STAP1: variants seen among roughly 807,000 people sequenced by gnomAD.
STAP1 encodes signal transducing adaptor family member 1, also known as signal-transducing adaptor protein 1.
STAP1 carries 30 observed loss-of-function variants against 37.8 expected under a neutral mutation model. The observed-to-expected ratio is 0.79, with a 90% CI of 0.59 to 1.08. The LOEUF (loss-of-function observed/expected upper bound fraction) is 1.08, where lower values mean the gene tolerates loss of function less well. Among genes scored for constraint, STAP1 ranks in the 50% least tolerant of loss-of-function variants. The probability of loss-of-function intolerance (pLI) is 0.00; values close to 1 mark genes in which losing one functional copy is unlikely to be tolerated. For missense variants in STAP1, 357 were observed against 349.4 expected, an observed-to-expected ratio of 1.02 and a Z score of -0.17; for synonymous variants, 130 against 116.0, an observed-to-expected ratio of 1.12 and a Z score of -0.78.
chr4:67,573,535 C>T (rs567553180), intron 2 of STAP1, among the ~76,000 whole-genome samples: 1 of 152,308 alleles, frequency 6.6e-6, no homozygotes, highest in South Asian at 2.1e-4. Context: ...TTGATCTAGA[C>T]AATCCCTCAG....
chr4:67,581,511 TA>T, intron 5 of STAP1, 40 bp downstream of exon 5: 1 of 1,563,958 alleles, frequency 6.4e-7, no homozygotes, highest in Non-Finnish European at 8.6e-7. Flanking sequence ...ATTCGATTGT[TA>T]AAACTAATTT....
In STAP1 at chr4:67,583,667, T is replaced by C. The variant is rs1457146805; in HGVS notation, c.624T>C (p.Ser208=). ...GNMILRPGSD[S]RNYSITIRQE... Reference sequence around the variant, plus strand: ...TGATCCTGAGGCCTGGTAGTGACAGTAGAAACTACTCCATCACTATTCGGC... The same window carrying C: ...TGATCCTGAGGCCTGGTAGTGACAGCAGAAACTACTCCATCACTATTCGGC... Residue 208 remains serine, a synonymous_variant, in exon 6 of 9, where the codon AGT becomes AGC. Transcript: ENST00000265404. 2 of 1,613,830 alleles carry C rather than the reference T, an allele frequency of 1.2e-6. No homozygotes were observed. Among genetic ancestry groups the C allele is most frequent in the East Asian group, 4.5e-5 (2 of 44,862 alleles).
In STAP1 at chr4:67,606,779, C is replaced by A. The variant is rs1728458578; in HGVS notation, c.*422C>A. On this transcript the variant is annotated 3_prime_UTR_variant, in exon 9 of 9. Transcript: ENST00000265404. ...GATTTGACCAATTTATCAAATATGT[C>A]ATTTTAATTACCTAGCTGGAAGTTA... 1 of 153,408 alleles carries A rather than the reference C, an allele frequency of 6.5e-6. No individual in the cohort carries two copies. Among genetic ancestry groups the A allele is most frequent in the Non-Finnish European group, 1.5e-5 (1 of 68,962 alleles). The allele number at this position is 153,408 out of a possible 1,614,324, so 9.5% of individuals were successfully genotyped here.
chr4:67,583,834 C>A, intron 6 of STAP1, 132 bp downstream of exon 6: 1 of 1,062,244 alleles, frequency 9.4e-7, no homozygotes, highest in Non-Finnish European at 1.3e-6. Flanking sequence ...TGCGGTGGCT[C>A]ACGCCTGTAA....
At chr4:67,578,904 C>T (rs1219759180) in intron 4 of STAP1, among the ~76,000 whole-genome samples, 1 of 150,900 alleles carries the variant, frequency 6.6e-6, no homozygotes, top group Non-Finnish European at 1.5e-5. Context: ...TCTTGGCTCA[C>T]TGCAACCTCC....
intron 2 of STAP1, 89 bp downstream of exon 2, chr4:67,571,244 A>G (rs1204507896): frequency 3.5e-6 from 3 of 863,698 alleles, no homozygotes; most frequent in Non-Finnish European, 3.6e-6. Context: ...CTGCCATCCA[A>G]GAATAAAGAT....
intron 7 of STAP1, among the ~76,000 whole-genome samples, chr4:67,592,568 C>T (rs529986696): frequency 5.3e-5 from 8 of 152,154 alleles, no homozygotes; most frequent in Admixed American, 2.0e-4. Flanking sequence ...GGGACTAGGA[C>T]GCAGTTACTT....
At chr4:67,601,175 CATCTT>C (rs1289071908) in intron 8 of STAP1, among the ~76,000 whole-genome samples, 1 of 152,116 alleles carries the variant, frequency 6.6e-6, no homozygotes, top group African/African-American at 2.4e-5. Flanking sequence ...TTTCAAATAA[CATCTT>C]ATAACCCATT....
At chr4:67,577,176 T>C (rs1395147434) in intron 3 of STAP1, 27 bp from the exon 4 acceptor site, 8 of 1,586,746 alleles carry the variant, frequency 5.0e-6, no homozygotes, top group Non-Finnish European at 6.9e-6. Flanking sequence ...CTTCTTTGGC[T>C]TTATCTGTTT....
intron 6 of STAP1, among the ~76,000 whole-genome samples, chr4:67,588,468 GGT>G (rs1728045797): frequency 6.6e-6 from 1 of 151,988 alleles, no homozygotes; most frequent in Non-Finnish European, 1.5e-5. Context: ...GGAGTACAGT[GGT>G]GCGAGCTCGG....
intron 2 of STAP1, among the ~76,000 whole-genome samples, 190 bp downstream of exon 2, chr4:67,571,345 C>T (rs1190364454): frequency 3.3e-5 from 5 of 152,158 alleles, no homozygotes; most frequent in Non-Finnish European, 5.9e-5. Context: ...CTGGGCAATT[C>T]CGAAGAAGAT....
chr4:67,568,206 T>C (rs920199611), intron 1 of STAP1, among the ~76,000 whole-genome samples: 1 of 152,122 alleles, frequency 6.6e-6, no homozygotes, highest in Admixed American at 6.5e-5. Flanking sequence ...TTAAAAAACA[T>C]AAAGGATATG....
chr4:67,561,410 T>G (rs1727334568), intron 1 of STAP1, among the ~76,000 whole-genome samples: 1 of 152,022 alleles, frequency 6.6e-6, no homozygotes, highest in African/African-American at 2.4e-5. Context: ...CTAGAAAAAA[T>G]ATAACTGAAG....
chr4:67,564,188 G>A (rs1027311992), intron 1 of STAP1, among the ~76,000 whole-genome samples: 1 of 152,098 alleles, frequency 6.6e-6, no homozygotes, highest in Non-Finnish European at 1.5e-5. Flanking sequence ...TGCAGCTGTG[G>A]TTGCAGTTCA....
chr4:67,564,458 A>T (rs929591364), intron 1 of STAP1, among the ~76,000 whole-genome samples: 1 of 152,210 alleles, frequency 6.6e-6, no homozygotes, highest in South Asian at 2.1e-4. Context: ...GAGGGAATTC[A>T]ATAAACCTTT....
chr4:67,590,045 C>A (rs967229114), intron 6 of STAP1, among the ~76,000 whole-genome samples: 1 of 152,134 alleles, frequency 6.6e-6, no homozygotes, highest in African/African-American at 2.4e-5. Context: ...CTCAAGTCAT[C>A]CTCATGCCTT....
intron 6 of STAP1, 32 bp from the exon 7 acceptor site, chr4:67,590,852 A>G: frequency 6.5e-7 from 1 of 1,532,884 alleles, no homozygotes; most frequent in Non-Finnish European, 9.0e-7. Flanking sequence ...ATTGTATAAT[A>G]AAATGGAGAC....
At chr4:67,567,651 A>T (rs1727501769) in intron 1 of STAP1, among the ~76,000 whole-genome samples, 1 of 152,244 alleles carries the variant, frequency 6.6e-6, no homozygotes, top group African/African-American at 2.4e-5. Flanking sequence ...GGTAAATGTG[A>T]CACAAGCAAA....
At chr4:67,593,217 A>C in intron 7 of STAP1, 43 bp from the exon 8 acceptor site, 1 of 1,396,772 alleles carries the variant, frequency 7.2e-7, no homozygotes, top group Non-Finnish European at 1.0e-6. Context: ...CTCTATACTT[A>C]TGCAGGTGAT....
Sources: gnomAD v4.1 joint callset for allele counts (sites outside exome capture counted in the v4.1 genomes callset) on GRCh38, gnomAD v4.1.1 for gene constraint, MANE v1.5 for transcripts, NCBI Gene and HGNC (gene_info 2026-07-23, HGNC 2026-07-21) for gene names.